The following PDZD2 variants were observed in gnomAD, a reference collection of about 807,000 sequenced individuals.
PDZD2 encodes PDZ domain-containing protein 2.
PDZD2 carries 90 observed loss-of-function variants against 220.7 expected under a neutral mutation model. That is an observed-to-expected ratio of 0.41 (90% CI 0.34 to 0.49). The LOEUF is 0.49. Ranked by LOEUF, PDZD2 falls within the 20% of genes least tolerant of loss-of-function variation. The pLI is 0.28. For synonymous variants in PDZD2, 1,375 were observed against 1,450.5 expected (o/e 0.95, Z 1.18); for missense variants, 3,174 against 3,608.5 (o/e 0.88, Z 3.08).
chr5:31,668,850 GGTGTTGTTT>G (rs1439536561), intron 1 of PDZD2, among the ~76,000 whole-genome samples: 4 of 152,174 alleles, frequency 2.6e-5, no homozygotes, highest in Admixed American at 2.6e-4. Context: ...GTTTCTTGGT[GGTGTTGTTT>G]TTGTTGTTTT....
intron 2 of PDZD2, among the ~76,000 whole-genome samples, chr5:31,854,129 C>G (rs753342964): frequency 1.1e-4 from 17 of 152,210 alleles, no homozygotes; most frequent in Admixed American, 2.0e-4. Context: ...TGCCAGCCCC[C>G]CTCCCCTGCT....
At chr5:31,675,858 T>A (rs1746391209) in intron 1 of PDZD2, among the ~76,000 whole-genome samples, 3 of 152,072 alleles carry the variant, frequency 2.0e-5, no homozygotes, top group Admixed American at 2.0e-4. Context: ...CGCACCACCA[T>A]GCCCAGCTAA....
chr5:31,921,894 C>T (rs2150380474), intron 2 of PDZD2, among the ~76,000 whole-genome samples: 1 of 152,272 alleles, frequency 6.6e-6, no homozygotes, highest in East Asian at 1.9e-4. Flanking sequence ...AGTGCCCGCC[C>T]TCCTCTGAGG....
intron 1 of PDZD2, among the ~76,000 whole-genome samples, chr5:31,685,644 C>T (rs1746827127): frequency 1.3e-5 from 2 of 152,168 alleles, no homozygotes; most frequent in African/African-American, 4.8e-5. Context: ...CCACCTTAGC[C>T]TTCCGAGTAG....
intron 1 of PDZD2, among the ~76,000 whole-genome samples, chr5:31,751,505 C>T (rs183799745): frequency 3.3e-5 from 5 of 152,224 alleles, no homozygotes; most frequent in Non-Finnish European, 1.5e-5. Context: ...GGAGCCAAGT[C>T]TGAACTCTAA....
chr5:31,668,398 T>C (rs1208468630), intron 1 of PDZD2, among the ~76,000 whole-genome samples: 1 of 152,240 alleles, frequency 6.6e-6, no homozygotes, highest in Non-Finnish European at 1.5e-5. Context: ...GAGAGTGTTC[T>C]GACTTTTCTG....
intron 2 of PDZD2, among the ~76,000 whole-genome samples, chr5:31,873,444 GA>G (rs35706067): frequency 2.3e-4 from 33 of 144,068 alleles, no homozygotes; most frequent in South Asian, 4.3e-4. Flanking sequence ...CTCACCAAAA[GA>G]AAAAAAAAAA....
chr5:31,799,145 GC>G lies in PDZD2; in HGVS notation c.-103del, dbSNP rs922262968. On this transcript the variant is annotated 5_prime_UTR_variant, in exon 2 of 25. It removes the in-frame stop codon of an upstream open reading frame in the 5' UTR. Transcript: ENST00000438447. ...TCTGCCAGCCTGAACATGAACACAG[GC>G]AAAGCTGATGATGGCCAGGGACCCC... The G allele has an allele frequency of 1.2e-4, 86 of 702,962 alleles. 1 individual carries two copies. In the African/African-American group the frequency reaches 1.4e-3, roughly 12 times the overall value. 43.5% of individuals were successfully genotyped at this position (702,962 alleles called of 1,614,324 possible).
intron 2 of PDZD2, among the ~76,000 whole-genome samples, chr5:31,878,555 C>CTTTTTTTGTTTTTTTTTTTT (rs1739533427): frequency 2.1e-5 from 1 of 48,198 alleles, no homozygotes; most frequent in Non-Finnish European, 3.7e-5. Context: ...ATGACCTCGG[C>CTTTTTTTGTTTTTTTTTTTT]TTTTTTTTTT....
intron 1 of PDZD2, among the ~76,000 whole-genome samples, chr5:31,778,660 C>T (rs1362730557): frequency 6.6e-6 from 1 of 152,180 alleles, no homozygotes; most frequent in African/African-American, 2.4e-5. Flanking sequence ...TCCGGACATA[C>T]CGTCTTTAGG....
intron 4 of PDZD2, among the ~76,000 whole-genome samples, chr5:31,996,155 C>A (rs1231300877): frequency 3.3e-5 from 5 of 152,146 alleles, no homozygotes; most frequent in Admixed American, 2.0e-4. Flanking sequence ...CACTGGGGCT[C>A]CACTTGTCAG....
At chr5:32,080,544 A>C (rs540838741) in intron 19 of PDZD2, among the ~76,000 whole-genome samples, 3 of 152,122 alleles carry the variant, frequency 2.0e-5, no homozygotes, top group Non-Finnish European at 4.4e-5. Context: ...TTGCTTTGGA[A>C]TAGAAGAGGG....
chr5:31,653,815 C>A (rs1440310951), intron 1 of PDZD2, among the ~76,000 whole-genome samples: 3 of 152,078 alleles, frequency 2.0e-5, no homozygotes. Context: ...GACAGAGTCT[C>A]ACTCTGTCAC....
chr5:31,894,966 C>T lies in PDZD2; in HGVS notation c.477-88189C>T, dbSNP rs759534391. Among the ~76,000 whole-genome samples the T allele has an allele frequency of 1.1e-4, 16 of 152,074 alleles. No individual in the cohort carries two copies. The East Asian group carries it at 1.4e-3, about 13-fold the overall frequency. Reference sequence around the variant, plus strand: ...TTGCCATAGCATGATCTCGGCTCACCGCAACCTCCGCCTCCTGGGTTCAGC... The same window carrying T: ...TTGCCATAGCATGATCTCGGCTCACTGCAACCTCCGCCTCCTGGGTTCAGC... On this transcript the variant is annotated intron_variant, in intron 2 of 24. Coordinates refer to ENST00000438447, the MANE Select transcript of PDZD2 (RefSeq NM_178140.4).
intron 2 of PDZD2, among the ~76,000 whole-genome samples, chr5:31,976,468 A>G (rs1408951375): frequency 6.6e-6 from 1 of 152,190 alleles, no homozygotes; most frequent in Non-Finnish European, 1.5e-5. Flanking sequence ...AGCAGCTAGT[A>G]CTGTCCTATA....
At chr5:31,823,520 G>A (rs144346739) in intron 2 of PDZD2, among the ~76,000 whole-genome samples, 77 of 152,164 alleles carry the variant, frequency 5.1e-4, no homozygotes, top group African/African-American at 1.8e-3. Flanking sequence ...GGTAACAGAA[G>A]TAACACTCAG....
chr5:31,973,009 G>C (rs1749442134), intron 2 of PDZD2, among the ~76,000 whole-genome samples: 1 of 152,202 alleles, frequency 6.6e-6, no homozygotes, highest in South Asian at 2.1e-4. Context: ...TTTAGGGCCA[G>C]TATCTCTGCA....
intron 2 of PDZD2, among the ~76,000 whole-genome samples, chr5:31,969,509 C>CAAAAAAAAAAA (rs56755290): frequency 0.024 from 1,227 of 51,392 alleles, 162 homozygotes; most frequent in Non-Finnish European, 0.026. Context: ...GCCCCCTCTC[C>CAAAAAAAAAAA]AAAAAAAAAA....
intron 24 of PDZD2, 81 bp from the exon 25 acceptor site, chr5:32,107,888 T>G (rs1321970510): frequency 1.2e-6 from 1 of 851,030 alleles, no homozygotes; most frequent in East Asian, 2.5e-5. Context: ...TTTTTATCAC[T>G]TAAAAGTTTT....
Sources: gnomAD v4.1 joint callset for allele counts (sites outside exome capture counted in the v4.1 genomes callset) on GRCh38, gnomAD v4.1.1 for gene constraint, MANE v1.5 for transcripts, NCBI Gene and HGNC (gene_info 2026-07-23, HGNC 2026-07-21) for gene names.